Variants in SNX29 observed in about 807,000 individuals in gnomAD.
The protein encoded by SNX29 is sorting nexin-29.
A neutral mutation model predicts 102.1 loss-of-function variants in SNX29; 78 were observed. That is an observed-to-expected ratio of 0.76 (90% CI 0.64 to 0.92). SNX29 has a LOEUF of 0.92. Ranked by LOEUF, SNX29 falls within the 40% of genes least tolerant of loss-of-function variation. The pLI, the probability that SNX29 is intolerant of heterozygous loss-of-function variation, is 0.00. For synonymous variants in SNX29, 580 were observed against 414.5 expected (o/e 1.40, Z -4.85); for missense variants, 1,280 against 1,061.7 (o/e 1.21, Z -2.86).
intron 13 of SNX29, among the ~76,000 whole-genome samples, chr16:12,134,206 C>A (rs565159262): frequency 4.4e-4 from 67 of 152,326 alleles, no homozygotes; most frequent in African/African-American, 1.6e-3. Context: ...TAAATGGGTT[C>A]TTGAATTATT....
At chr16:12,192,178 G>A (rs550474670) in intron 13 of SNX29, among the ~76,000 whole-genome samples, 5 of 152,142 alleles carry the variant, frequency 3.3e-5, no homozygotes, top group Admixed American at 1.3e-4. Context: ...TATTGCAGTC[G>A]TTGGAAGCTG....
chr16:12,424,576 G>C (rs147941710), intron 18 of SNX29, among the ~76,000 whole-genome samples: 50 of 152,272 alleles, frequency 3.3e-4, no homozygotes, highest in African/African-American at 8.7e-4. Context: ...AGCAGTAAGA[G>C]GCAGAAATAG....
intron 20 of SNX29, 57 bp from the exon 21 acceptor site, chr16:12,568,449 T>G: frequency 6.3e-7 from 1 of 1,597,168 alleles, no homozygotes; most frequent in Non-Finnish European, 8.5e-7. Context: ...CTTCCTGGCC[T>G]GTGGTCATTT....
chr16:12,307,952 C>G (rs2080393627), intron 15 of SNX29, among the ~76,000 whole-genome samples: 1 of 152,146 alleles, frequency 6.6e-6, no homozygotes, highest in African/African-American at 2.4e-5. Context: ...TTTGAGTTGT[C>G]TTCAGGACAA....
chr16:12,333,650 C>A (rs1464312708), intron 15 of SNX29, among the ~76,000 whole-genome samples: 1 of 151,970 alleles, frequency 6.6e-6, no homozygotes, highest in Non-Finnish European at 1.5e-5. Context: ...TTTCCTCTTC[C>A]CCAGGGCTCC....
chr16:12,239,027 G>C (rs2078021025), intron 14 of SNX29, among the ~76,000 whole-genome samples: 1 of 152,212 alleles, frequency 6.6e-6, no homozygotes, highest in African/African-American at 2.4e-5. Context: ...TTTCTCAGGA[G>C]TCTCATCTCA....
chr16:12,160,550 C>T (rs932230111), intron 13 of SNX29, among the ~76,000 whole-genome samples: 1 of 152,048 alleles, frequency 6.6e-6, no homozygotes, highest in Non-Finnish European at 1.5e-5. Flanking sequence ...TTGTCAGGGG[C>T]CGTGGTTGGG....
intron 13 of SNX29, among the ~76,000 whole-genome samples, chr16:12,150,183 C>G (rs573087257): frequency 6.6e-6 from 1 of 152,044 alleles, no homozygotes. Flanking sequence ...TAATCCCCTC[C>G]TGGGCATTGT....
chr16:12,500,158 A>AT (rs5815690), intron 19 of SNX29, among the ~76,000 whole-genome samples: 21,163 of 151,440 alleles, frequency 0.14, 1,568 homozygotes, highest in East Asian at 0.25. Flanking sequence ...CACCTAGCTA[A>AT]TTTTTTTTCT....
intron 18 of SNX29, among the ~76,000 whole-genome samples, chr16:12,435,250 A>G (rs1277654635): frequency 6.6e-6 from 1 of 152,152 alleles, no homozygotes; most frequent in Non-Finnish European, 1.5e-5. Context: ...AGCTGATAGG[A>G]CCCATCTGGT....
chr16:12,303,314 C>T (rs76444261), intron 15 of SNX29, among the ~76,000 whole-genome samples: 5 of 152,194 alleles, frequency 3.3e-5, no homozygotes, highest in Non-Finnish European at 5.9e-5. Context: ...GCATCGCTCA[C>T]GATGGCAAAA....
At chr16:12,078,799 C>T (rs1287991104) in intron 10 of SNX29, 34 bp from the exon 11 acceptor site, 9 of 1,561,340 alleles carry the variant, frequency 5.8e-6, no homozygotes, top group African/African-American at 4.1e-5. Context: ...TTTCAGTGGC[C>T]GAGTGTAACT....
intron 18 of SNX29, among the ~76,000 whole-genome samples, chr16:12,410,148 C>T (rs1445619950): frequency 1.3e-5 from 2 of 152,152 alleles, no homozygotes; most frequent in East Asian, 3.9e-4. Flanking sequence ...GCACCCATCA[C>T]CACGCCTGGC....
chr16:12,260,596 T>C (rs1047078580), intron 14 of SNX29, among the ~76,000 whole-genome samples: 1 of 152,226 alleles, frequency 6.6e-6, no homozygotes, highest in African/African-American at 2.4e-5. Flanking sequence ...CCTGGTCTCT[T>C]GGAGTGCGTT....
rs185359938 is a variant in SNX29, at chr16:12,497,566, G to A, written c.2178+19707G>A. Reference sequence around the variant, plus strand: ...AATGACTTCAGGAGTGGCTGGAGTCGGGAGCTCAGTATCATCAGACATCTC... The same window carrying A: ...AATGACTTCAGGAGTGGCTGGAGTCAGGAGCTCAGTATCATCAGACATCTC... On this transcript the variant is annotated intron_variant, in intron 19 of 20. Transcript: ENST00000566228. Among the ~76,000 whole-genome samples the A allele has an allele frequency of 4.7e-4, 71 of 152,320 alleles. No homozygotes were observed. In the East Asian group the frequency reaches 6.9e-3, roughly 15 times the overall value.
rs548417787 is a variant in SNX29 at position 11,977,214 on chromosome 16, C to T, written c.7+401C>T. ...CAGGTCCCCCATCCCCAGTCATCCCCGCTACCCAGGCCCCTGGTCTCCAGT... is the reference window on the plus strand; with the variant it reads ...CAGGTCCCCCATCCCCAGTCATCCCTGCTACCCAGGCCCCTGGTCTCCAGT... On this transcript the variant is annotated intron_variant, in intron 1 of 20. Coordinates refer to ENST00000566228, the MANE Select transcript of SNX29 (RefSeq NM_032167.5). Among the ~76,000 whole-genome samples the T allele has an allele frequency of 5.3e-5, 8 of 152,218 alleles. 1 individual carries two copies. The East Asian group carries it at 1.2e-3, about 22-fold the overall frequency.
chr16:12,047,987 A>G (rs1047089118), intron 6 of SNX29, among the ~76,000 whole-genome samples: 14 of 152,060 alleles, frequency 9.2e-5, no homozygotes, highest in African/African-American at 3.4e-4. Flanking sequence ...AGTAGGTGGC[A>G]GTGCCGGGAT....
At chr16:12,350,142 G>A (rs1206878378) in intron 15 of SNX29, among the ~76,000 whole-genome samples, 1 of 152,182 alleles carries the variant, frequency 6.6e-6, no homozygotes, top group Non-Finnish European at 1.5e-5. Flanking sequence ...GGCACTTGCT[G>A]TGTCATTATT....
chr16:12,338,498 C>T lies in SNX29; in HGVS notation c.1783-17665C>T, dbSNP rs57944600. ...ATCAGGCGTTGTGCACAGGTTCCCACAAGGGGTGTCACGTTCTCCTCACAG... is the reference window on the plus strand; with the variant it reads ...ATCAGGCGTTGTGCACAGGTTCCCATAAGGGGTGTCACGTTCTCCTCACAG... On this transcript the variant is annotated intron_variant, in intron 15 of 20. Transcript: ENST00000566228. Among the ~76,000 whole-genome samples, 1,144 of 152,310 alleles carry T rather than the reference C, an allele frequency of 7.5e-3. 14 individuals carry two copies. The highest frequency in any genetic ancestry group is 0.01 in the Non-Finnish European group (711 of 68,024).
Sources: gnomAD v4.1 joint callset for allele counts (sites outside exome capture counted in the v4.1 genomes callset) on GRCh38, gnomAD v4.1.1 for gene constraint, MANE v1.5 for transcripts, NCBI Gene and HGNC (gene_info 2026-07-23, HGNC 2026-07-21) for gene names.